VAV3: variants seen among roughly 807,000 people sequenced by gnomAD.
The protein encoded by VAV3 is guanine nucleotide exchange factor VAV3.
In VAV3, 94 loss-of-function variants were observed where a neutral mutation model predicts 131.2. The observed-to-expected ratio is 0.72, with a 90% CI of 0.61 to 0.85. The LOEUF (loss-of-function observed/expected upper bound fraction) is 0.85, where lower values mean the gene tolerates loss of function less well. VAV3 is among the 40% of genes least tolerant of loss of function. VAV3 has a pLI of 0.00. For synonymous variants in VAV3, 349 were observed against 342.0 expected (o/e 1.02, Z -0.22); for missense variants, 939 against 1,002.7 (o/e 0.94, Z 0.86).
intron 24 of VAV3, among the ~76,000 whole-genome samples, chr1:107,598,460 T>C (rs1651571719): frequency 6.6e-6 from 1 of 152,206 alleles, no homozygotes; most frequent in Admixed American, 6.5e-5. Context: ...GGAACTTTGT[T>C]TTCTTAGACT....
intron 15 of VAV3, among the ~76,000 whole-genome samples, chr1:107,737,245 A>G (rs1662704302): frequency 6.6e-6 from 1 of 152,248 alleles, no homozygotes. Flanking sequence ...CTAAAACCAT[A>G]AAAACCCTAG....
chr1:107,920,245 T>C (rs1419854612), intron 1 of VAV3, among the ~76,000 whole-genome samples: 2 of 152,206 alleles, frequency 1.3e-5, no homozygotes, highest in Non-Finnish European at 2.9e-5. Context: ...GGCACAATGC[T>C]ACCATCTAAA....
intron 19 of VAV3, among the ~76,000 whole-genome samples, chr1:107,649,850 C>T (rs1335137248): frequency 6.6e-6 from 1 of 152,084 alleles, no homozygotes; most frequent in Non-Finnish European, 1.5e-5. Context: ...AGACTGACTA[C>T]ATCCCTCCCT....
At chr1:107,630,380 T>TGG (rs58769688) in intron 20 of VAV3, among the ~76,000 whole-genome samples, 4 of 151,424 alleles carry the variant, frequency 2.6e-5, no homozygotes, top group East Asian at 1.9e-4. Context: ...GATGGATGGA[T>TGG]AGGAGCCACT....
At chr1:107,894,919 T>G (rs1232171353) in intron 1 of VAV3, among the ~76,000 whole-genome samples, 1 of 152,180 alleles carries the variant, frequency 6.6e-6, no homozygotes, top group East Asian at 1.9e-4. Context: ...TGCTTTCTAT[T>G]CTATCAGGCA....
chr1:107,604,973 C>T (rs1360339632), intron 22 of VAV3, among the ~76,000 whole-genome samples: 1 of 152,156 alleles, frequency 6.6e-6, no homozygotes, highest in African/African-American at 2.4e-5. Flanking sequence ...CTTCCTGCCA[C>T]CTGTGCTCAC....
intron 19 of VAV3, chr1:107,668,967 ATACGGG>A (rs1436899284): frequency 7.1e-6 from 7 of 991,934 alleles, no homozygotes; most frequent in Admixed American, 5.8e-5. Context: ...CTCTTTCGCG[ATACGGG>A]TGTGGGGTTC....
chr1:107,611,181 A>C (rs1328207), intron 21 of VAV3, among the ~76,000 whole-genome samples: 1 of 152,162 alleles, frequency 6.6e-6, no homozygotes, highest in Non-Finnish European at 1.5e-5. Flanking sequence ...TCCTTTGAGC[A>C]TCATGTCAGT....
At chr1:107,954,549 T>C (rs1416049661) in intron 1 of VAV3, among the ~76,000 whole-genome samples, 1 of 151,768 alleles carries the variant, frequency 6.6e-6, no homozygotes, top group African/African-American at 2.4e-5. Flanking sequence ...TTTTTTTTTT[T>C]TTTTGAGATG....
chr1:107,702,916 G>A (rs868570469), intron 17 of VAV3, among the ~76,000 whole-genome samples: 52 of 151,970 alleles, frequency 3.4e-4, no homozygotes, highest in Middle Eastern at 6.8e-3. Context: ...CATAATAATC[G>A]TCTAATTTAC....
At chr1:107,867,055 G>T (rs1275141039) in intron 2 of VAV3, among the ~76,000 whole-genome samples, 1 of 152,036 alleles carries the variant, frequency 6.6e-6, no homozygotes, top group African/African-American at 2.4e-5. Context: ...ACAAAAGTTT[G>T]TTTTCCTCAC....
At chr1:107,802,970 T>C (rs1452216317) in intron 2 of VAV3, among the ~76,000 whole-genome samples, 1 of 151,882 alleles carries the variant, frequency 6.6e-6, no homozygotes, top group African/African-American at 2.4e-5. Flanking sequence ...CATCAGGTCC[T>C]GGGCTTTTCT....
At chr1:107,744,738 A>G (rs1379127643) in intron 15 of VAV3, among the ~76,000 whole-genome samples, 3 of 152,170 alleles carry the variant, frequency 2.0e-5, no homozygotes, top group Admixed American at 2.0e-4. Flanking sequence ...TGATTGCTAG[A>G]TCCTATTCAC....
intron 17 of VAV3, among the ~76,000 whole-genome samples, chr1:107,689,657 T>TA (rs1475465342): frequency 6.6e-6 from 1 of 152,178 alleles, no homozygotes; most frequent in Non-Finnish European, 1.5e-5. Flanking sequence ...CTTTCACAAA[T>TA]AACTGCCTTC....
intron 15 of VAV3, among the ~76,000 whole-genome samples, chr1:107,707,898 C>T (rs1351269902): frequency 6.6e-6 from 1 of 152,070 alleles, no homozygotes; most frequent in Non-Finnish European, 1.5e-5. Context: ...TTTGGAGAAA[C>T]AAAAAATTAA....
intron 15 of VAV3, among the ~76,000 whole-genome samples, chr1:107,746,803 C>T (rs974773342): frequency 6.6e-6 from 1 of 152,054 alleles, no homozygotes; most frequent in African/African-American, 2.4e-5. Context: ...AGAGCTCTAG[C>T]AGCTATCTCA....
At chr1:107,615,709 G>A (rs1486900324) in intron 21 of VAV3, among the ~76,000 whole-genome samples, 2 of 151,922 alleles carry the variant, frequency 1.3e-5, no homozygotes, top group Non-Finnish European at 1.5e-5. Context: ...TCTGACAAAG[G>A]TCTAATATCC....
chr1:107,843,516 T>G (rs1668819822), intron 2 of VAV3, among the ~76,000 whole-genome samples: 1 of 147,702 alleles, frequency 6.8e-6, no homozygotes, highest in African/African-American at 2.5e-5. Flanking sequence ...ATTAAAAATG[T>G]ATGTGTGCGT....
intron 25 of VAV3, among the ~76,000 whole-genome samples, chr1:107,591,439 G>T (rs933825510): frequency 1.3e-5 from 2 of 151,548 alleles, no homozygotes; most frequent in Admixed American, 6.6e-5. Flanking sequence ...ATGAATAAAT[G>T]AATGAATGAA....
Sources: gnomAD v4.1 joint callset for allele counts (sites outside exome capture counted in the v4.1 genomes callset) on GRCh38, gnomAD v4.1.1 for gene constraint, MANE v1.5 for transcripts, NCBI Gene and HGNC (gene_info 2026-07-23, HGNC 2026-07-21) for gene names.